Variants in KDM5B observed in about 807,000 individuals in gnomAD.
KDM5B encodes the protein lysine demethylase 5B, also known as lysine-specific demethylase 5B.
KDM5B carries 144 observed loss-of-function variants against 193.4 expected under a neutral mutation model. That is an observed-to-expected ratio of 0.74 (90% CI 0.65 to 0.86). The LOEUF (loss-of-function observed/expected upper bound fraction) is 0.86, where lower values mean the gene tolerates loss of function less well. Ranked by LOEUF, KDM5B falls within the 40% of genes least tolerant of loss-of-function variation. KDM5B has a pLI of 0.00. For synonymous variants in KDM5B, 668 were observed against 682.6 expected, an observed-to-expected ratio of 0.98 and a Z score of 0.33; for missense variants, 1,833 against 1,886.9, an observed-to-expected ratio of 0.97 and a Z score of 0.53.
chr1:202,737,438 C>G (rs1188008523), intron 20 of KDM5B, among the ~76,000 whole-genome samples: 1 of 152,110 alleles, frequency 6.6e-6, no homozygotes, highest in African/African-American at 2.4e-5. Flanking sequence ...AAGAGATAGC[C>G]AAACTAGGAG....
chr1:202,730,534 CAAATGAAATTTGCCATGAA>C (rs1654843029), intron 25 of KDM5B, among the ~76,000 whole-genome samples: 3 of 152,120 alleles, frequency 2.0e-5, no homozygotes, highest in Admixed American at 6.5e-5. Flanking sequence ...CTTGGTATGG[CAAATGAAATTTGCCATGAA>C]AAATGAAATT....
At position 202,764,353 on chromosome 1, in the gene KDM5B, T is replaced by G. The variant is rs980945746; in HGVS notation, c.712-208A>C. Among the ~76,000 whole-genome samples the G allele has an allele frequency of 1.9e-4, 29 of 152,134 alleles. 1 individual carries two copies. Among genetic ancestry groups the G allele is most frequent in the African/African-American group, 1.2e-4 (5 of 41,426 alleles). ...TGAGAAATTTAAAAATAGGGAAAAG[T>G]TGGCCAGGCACAGTGGTTCACACCT... On this transcript the variant is annotated intron_variant, in intron 5 of 26. Transcript: ENST00000367265.
intron 1 of KDM5B, among the ~76,000 whole-genome samples, chr1:202,786,066 C>G (rs1456945793): frequency 6.6e-6 from 1 of 151,706 alleles, no homozygotes; most frequent in Non-Finnish European, 1.5e-5. Context: ...ATGGCATAAA[C>G]TTGGCTCGTT....
intron 4 of KDM5B, among the ~76,000 whole-genome samples, chr1:202,768,156 G>C (rs967575139): frequency 6.6e-6 from 1 of 152,206 alleles, no homozygotes; most frequent in Admixed American, 6.5e-5. Context: ...GTTCTGATCA[G>C]AAATGCATCT....
At position 202,808,332 on chromosome 1, in the gene KDM5B, G is replaced by A. The variant is rs2102361737; in HGVS notation, c.-27C>T. 1 of 1,547,486 alleles carries A rather than the reference G, an allele frequency of 6.5e-7. No individual in the cohort carries two copies. On this transcript the variant is annotated 5_prime_UTR_variant, in exon 1 of 27. Transcript: ENST00000367265. ...ACCGCAGGCTGGGCAAGGGCGAGGC[G>A]AAGGTGGGCTCCGGGACCGAGGCTG...
intron 20 of KDM5B, among the ~76,000 whole-genome samples, chr1:202,738,204 T>TA (rs1655167940): frequency 6.6e-6 from 1 of 152,238 alleles, no homozygotes; most frequent in South Asian, 2.1e-4. Flanking sequence ...ATGGCACTGT[T>TA]ACAAACATAG....
At chr1:202,784,144 T>A (rs1572764713) in intron 1 of KDM5B, among the ~76,000 whole-genome samples, 1 of 152,356 alleles carries the variant, frequency 6.6e-6, no homozygotes, top group Admixed American at 6.5e-5. Flanking sequence ...GAAAATTCAC[T>A]CTGTAGAGGA....
chr1:202,738,310 A>G (rs1446783048), intron 20 of KDM5B, among the ~76,000 whole-genome samples: 1 of 152,238 alleles, frequency 6.6e-6, no homozygotes, highest in African/African-American at 2.4e-5. Context: ...CCTTACTGCC[A>G]TGACTTCACC....
intron 4 of KDM5B, among the ~76,000 whole-genome samples, chr1:202,768,230 A>T (rs1268967432): frequency 2.0e-5 from 3 of 152,232 alleles, no homozygotes; most frequent in African/African-American, 7.2e-5. Flanking sequence ...TAATGCCAAT[A>T]TAACATTAAC....
chr1:202,777,713 A>T (rs1384284413), intron 1 of KDM5B, among the ~76,000 whole-genome samples: 1 of 152,020 alleles, frequency 6.6e-6, no homozygotes, highest in Non-Finnish European at 1.5e-5. Flanking sequence ...TGCCCAGATC[A>T]GTCTCGAACT....
intron 1 of KDM5B, among the ~76,000 whole-genome samples, chr1:202,779,162 T>A (rs1229594821): frequency 6.6e-6 from 1 of 152,138 alleles, no homozygotes; most frequent in East Asian, 1.9e-4. Context: ...TCAGATTGTG[T>A]GAATATATTA....
At chr1:202,798,181 C>T (rs1031709820) in intron 1 of KDM5B, among the ~76,000 whole-genome samples, 5 of 151,906 alleles carry the variant, frequency 3.3e-5, no homozygotes, top group African/African-American at 1.2e-4. Flanking sequence ...AGCCTGGCAA[C>T]ATAGTGAGAC....
intron 1 of KDM5B, among the ~76,000 whole-genome samples, chr1:202,779,802 CAAAAATAA>C (rs1657120005): frequency 1.8e-5 from 1 of 56,042 alleles, no homozygotes; most frequent in Non-Finnish European, 3.4e-5. Context: ...GACTCCGTCT[CAAAAATAA>C]ATAAATAAAT....
At chr1:202,794,568 C>T (rs1657762871) in intron 1 of KDM5B, among the ~76,000 whole-genome samples, 1 of 152,166 alleles carries the variant, frequency 6.6e-6, no homozygotes. Context: ...GAAATCTTAG[C>T]CTAGCTATCT....
intron 1 of KDM5B, among the ~76,000 whole-genome samples, chr1:202,783,706 T>C (rs1657290795): frequency 6.6e-6 from 1 of 151,480 alleles, no homozygotes; most frequent in Non-Finnish European, 1.5e-5. Flanking sequence ...TGAAACCCCA[T>C]CTCTACTAAA....
In KDM5B at chr1:202,753,962, C is replaced by A. The variant is rs558773913; in HGVS notation, c.1539-895G>T. Among the ~76,000 whole-genome samples the A allele has an allele frequency of 4.6e-5, 7 of 152,258 alleles. No individual in the cohort carries two copies. The South Asian group carries it at 1.4e-3, about 32-fold the overall frequency. On this transcript the variant is annotated intron_variant, in intron 11 of 26. Coordinates refer to ENST00000367265, the MANE Select transcript of KDM5B (RefSeq NM_006618.5). Reference sequence around the variant, plus strand: ...TACAGGCGTGAGCCACCATGCCCAGCCAATATCCAGAATTTCTAAGAATAT... The same window carrying A: ...TACAGGCGTGAGCCACCATGCCCAGACAATATCCAGAATTTCTAAGAATAT...
In KDM5B at chr1:202,769,499, G is replaced by A. The variant is rs557904232; in HGVS notation, c.577-2439C>T. Among the ~76,000 whole-genome samples the A allele has an allele frequency of 1.2e-4, 18 of 150,652 alleles. No individual in the cohort carries two copies. The South Asian group carries it at 2.7e-3, about 23-fold the overall frequency. On this transcript the variant is annotated intron_variant, in intron 4 of 26. Transcript: ENST00000367265. The stretch of plus-strand genomic sequence containing the variant: ...AGCTTGGCCAACATACTGAAACCCC[G>A]TCCTTACTAAAAGTACAAAAATTAG...
chr1:202,741,992 C>T (rs1187627476), intron 18 of KDM5B, among the ~76,000 whole-genome samples: 1 of 150,678 alleles, frequency 6.6e-6, no homozygotes, highest in Non-Finnish European at 1.5e-5. Context: ...TCTCCTGCTT[C>T]AGCCTCCCAA....
chr1:202,733,044 A>C (rs1202308611), intron 23 of KDM5B, among the ~76,000 whole-genome samples: 2 of 152,358 alleles, frequency 1.3e-5, no homozygotes, highest in African/African-American at 2.4e-5. Flanking sequence ...ACATGAGAAG[A>C]AGCAGGGTAA....
Sources: gnomAD v4.1 joint callset for allele counts (sites outside exome capture counted in the v4.1 genomes callset) on GRCh38, gnomAD v4.1.1 for gene constraint, MANE v1.5 for transcripts, NCBI Gene and HGNC (gene_info 2026-07-23, HGNC 2026-07-21) for gene names.